Variants in RAPGEF1 observed in about 807,000 individuals in gnomAD.
RAPGEF1 encodes CRK SH3-binding GNRP.
RAPGEF1 carries 33 observed loss-of-function variants against 143.3 expected under a neutral mutation model. The ratio of observed to expected loss-of-function variants is 0.23; its 90% CI spans 0.17 to 0.31. The LOEUF is 0.31. Among genes scored for constraint, RAPGEF1 ranks in the 10% least tolerant of loss-of-function variants. The pLI is 1.00. For synonymous variants in RAPGEF1, 629 were observed against 676.5 expected (o/e 0.93, Z 1.09); for missense variants, 1,199 against 1,645.4 (o/e 0.73, Z 4.69).
chr9:131,607,549 T>C (rs757652308), intron 12 of RAPGEF1, among the ~76,000 whole-genome samples: 2 of 152,030 alleles, frequency 1.3e-5, no homozygotes, highest in Non-Finnish European at 2.9e-5. Context: ...GCAAGCAGGA[T>C]GCACTGGCTG....
rs185916784 is a variant in RAPGEF1, at chr9:131,578,240, T to C, written c.*1257A>G. ...TGTTTGTCAAGCGCCCCACAAGCCT[T>C]GCCCAGATTGTCAAGCTCAGCAGCG... On this transcript the variant is annotated 3_prime_UTR_variant, in exon 27 of 27. Transcript: ENST00000683357. The C allele has an allele frequency of 6.6e-6, 1 of 152,458 alleles. No individual in the cohort carries two copies. The highest frequency in any genetic ancestry group is 1.9e-4 in the East Asian group (1 of 5,188). 9.4% of individuals were successfully genotyped at this position (152,458 alleles called of 1,614,324 possible). A position where few individuals can be genotyped will look rare whatever the true frequency, so the allele number is the denominator to read the frequency against.
intron 12 of RAPGEF1, among the ~76,000 whole-genome samples, chr9:131,605,804 T>G (rs1193112666): frequency 6.6e-6 from 1 of 150,630 alleles, no homozygotes; most frequent in Non-Finnish European, 1.5e-5. Context: ...CTGGGCATGG[T>G]GGCTCACACC....
intron 1 of RAPGEF1, among the ~76,000 whole-genome samples, chr9:131,738,639 A>G (rs879360037): frequency 1.3e-5 from 2 of 152,188 alleles, no homozygotes; most frequent in Non-Finnish European, 2.9e-5. Flanking sequence ...CTGGGACCAT[A>G]TTCTTTCCCA....
In RAPGEF1 at chr9:131,577,515, A is replaced by C. The variant is rs1233279345; in HGVS notation, c.*1982T>G. 1 of 152,278 alleles carries C rather than the reference A, an allele frequency of 6.6e-6. No homozygotes were observed. Among genetic ancestry groups the C allele is most frequent in the Non-Finnish European group, 1.5e-5 (1 of 68,048 alleles). The allele number at this position is 152,278 out of a possible 1,614,324, so 9.4% of individuals were successfully genotyped here. ...ATGGCACTGGCATTGCCTGTGCTAC[A>C]GATGGGGACTCCTGCGAGTCTCACA... On this transcript the variant is annotated 3_prime_UTR_variant, in exon 27 of 27. Transcript: ENST00000683357.
At chr9:131,592,248 G>A in intron 17 of RAPGEF1, 65 bp from the exon 18 acceptor site, 1 of 1,285,008 alleles carries the variant, frequency 7.8e-7, no homozygotes, top group Non-Finnish European at 1.1e-6. Context: ...GGTAGCCAGG[G>A]TGGATTTGAG....
At chr9:131,738,789 C>T (rs1837574339) in intron 1 of RAPGEF1, among the ~76,000 whole-genome samples, 1 of 152,182 alleles carries the variant, frequency 6.6e-6, no homozygotes, top group African/African-American at 2.4e-5. Context: ...CCTTGTGGGT[C>T]CGCTGCAGGG....
intron 1 of RAPGEF1, among the ~76,000 whole-genome samples, chr9:131,654,922 T>C (rs1239584960): frequency 2.0e-5 from 3 of 152,202 alleles, no homozygotes; most frequent in Non-Finnish European, 4.4e-5. Flanking sequence ...AACACTGTCC[T>C]ACGCAATGGA....
At chr9:131,613,520 T>C (rs1325700145) in intron 12 of RAPGEF1, among the ~76,000 whole-genome samples, 1 of 151,588 alleles carries the variant, frequency 6.6e-6, no homozygotes, top group Non-Finnish European at 1.5e-5. Context: ...AGGTGAGACA[T>C]GGGGGTGGGG....
intron 1 of RAPGEF1, among the ~76,000 whole-genome samples, chr9:131,718,998 G>A (rs1027229755): frequency 1.4e-4 from 22 of 152,138 alleles, no homozygotes; most frequent in African/African-American, 5.1e-4. Context: ...TAGAGGTTGT[G>A]GCTTTTTGTG....
In RAPGEF1 at chr9:131,584,090, C is replaced by T. The variant is rs1342943040; in HGVS notation, c.3414+221G>A. Among the ~76,000 whole-genome samples the T allele has an allele frequency of 1.3e-5, 2 of 152,158 alleles. No homozygotes were observed. The highest frequency in any genetic ancestry group is 2.9e-5 in the Non-Finnish European group (2 of 68,012). ...AGCAGAACACCGGGATGTGACCACC[C>T]CAGAACCAACCTCGAAGCTCCCGGG... On this transcript the variant is annotated intron_variant, in intron 24 of 26. Transcript: ENST00000683357. This position sits in a 1 kb window ranked among gnomAD's most constrained non-coding sequence, Gnocchi z 6.8.
chr9:131,645,845 T>C (rs1969449442), intron 3 of RAPGEF1, among the ~76,000 whole-genome samples: 1 of 152,224 alleles, frequency 6.6e-6, no homozygotes, highest in South Asian at 2.1e-4. Flanking sequence ...TGTCTGGGGA[T>C]GGCTTAGAGA....
chr9:131,602,636 T>G (rs1490847551), intron 14 of RAPGEF1, among the ~76,000 whole-genome samples: 1 of 152,240 alleles, frequency 6.6e-6, no homozygotes, highest in Non-Finnish European at 1.5e-5. Context: ...CTGCAAAGCC[T>G]GTGCCCTTAA....
chr9:131,638,616 C>A lies in RAPGEF1; in HGVS notation c.651+19G>T. 1 of 1,613,714 alleles carries A rather than the reference C, an allele frequency of 6.2e-7. No homozygotes were observed. Among genetic ancestry groups the A allele is most frequent in the Non-Finnish European group, 8.5e-7 (1 of 1,179,666 alleles). ...GCTCTAAGTCCCTGACTGGGACTGTCTGGAACCTGCACCGGTACCTTCACT... is the reference window on the plus strand; with the variant it reads ...GCTCTAAGTCCCTGACTGGGACTGTATGGAACCTGCACCGGTACCTTCACT... On this transcript the variant is annotated intron_variant, in intron 5 of 26. Transcript: ENST00000683357.
chr9:131,637,405 A>T (rs1966661443), intron 5 of RAPGEF1, among the ~76,000 whole-genome samples: 1 of 152,168 alleles, frequency 6.6e-6, no homozygotes, highest in African/African-American at 2.4e-5. Flanking sequence ...ATTCTGGAGC[A>T]ATTTGCAATG....
At chr9:131,707,055 G>A (rs1370309281) in intron 1 of RAPGEF1, among the ~76,000 whole-genome samples, 2 of 152,178 alleles carry the variant, frequency 1.3e-5, no homozygotes, top group Non-Finnish European at 2.9e-5. Context: ...GTTTTCTAAG[G>A]AGAACCAGAG....
chr9:131,738,011 C>T (rs918612625), intron 1 of RAPGEF1, among the ~76,000 whole-genome samples: 4 of 151,890 alleles, frequency 2.6e-5, no homozygotes, highest in Admixed American at 6.6e-5. Context: ...AATGAGGTCT[C>T]GCCATTTTGC....
Position 131,628,741 on chromosome 9 carries a change from G to A in RAPGEF1, c.894-69C>T. ...CAAAGCTCTTCAGCGTGATATTGGG[G>A]TACAGGATGTGGGGTTCTTTCATTA... On this transcript the variant is annotated intron_variant, in intron 7 of 26. Transcript: ENST00000683357. This position sits in a 1 kb window ranked among gnomAD's most constrained non-coding sequence, Gnocchi z 5.7. The A allele has an allele frequency of 6.6e-7, 1 of 1,517,920 alleles. No homozygotes were observed. 94.0% of individuals were successfully genotyped at this position (1,517,920 alleles called of 1,614,324 possible).
At chr9:131,732,175 A>C (rs142744738) in intron 1 of RAPGEF1, among the ~76,000 whole-genome samples, 1 of 152,276 alleles carries the variant, frequency 6.6e-6, no homozygotes, top group Admixed American at 6.5e-5. Context: ...CACGCTGCAC[A>C]GTCATCCTGG....
In RAPGEF1 at chr9:131,692,383, G is replaced by A. The variant is rs193240355; in HGVS notation, c.62-41434C>T. Among the ~76,000 whole-genome samples the A allele has an allele frequency of 2.2e-4, 34 of 152,304 alleles. No homozygotes were observed. The Middle Eastern group carries it at 0.01, about 46-fold the overall frequency. On this transcript the variant is annotated intron_variant, in intron 1 of 26. Transcript: ENST00000683357. ...TTTTTACTATTTGTAGGCTGGAACG[G>A]ATCCAGAATTCTTCTACTTTCCTAT...
Sources: allele counts gnomAD v4.1 joint callset (sites outside exome capture counted in the v4.1 genomes callset), GRCh38; gene constraint gnomAD v4.1.1; non-coding constraint Gnocchi (gnomAD v3.1); transcripts MANE v1.5; gene names NCBI Gene and HGNC (gene_info 2026-07-23, HGNC 2026-07-21).